Variants in GSAP observed in about 807,000 individuals in gnomAD.
GSAP encodes the protein gamma-secretase-activating protein.
A neutral mutation model predicts 131.7 loss-of-function variants in GSAP; 118 were observed. The ratio of observed to expected loss-of-function variants is 0.90; its 90% CI spans 0.77 to 1.04. The LOEUF (loss-of-function observed/expected upper bound fraction) is 1.04. Among genes scored for constraint, GSAP ranks in the 50% least tolerant of loss-of-function variants. The pLI, the probability that GSAP is intolerant of heterozygous loss-of-function variation, is 0.00. For missense variants in GSAP, 1,019 were observed against 1,013.2 expected (o/e 1.01, Z -0.08); for synonymous variants, 381 against 363.4 (o/e 1.05, Z -0.55).
intron 26 of GSAP, chr7:77,315,802 A>G (rs1794908843): frequency 6.6e-6 from 1 of 152,182 alleles, no homozygotes; most frequent in Admixed American, 6.5e-5. Flanking sequence ...AAAGATTAAG[A>G]GGTAAGGTTG....
chr7:77,383,817 T>C (rs898213636), intron 6 of GSAP, among the ~76,000 whole-genome samples: 2 of 152,260 alleles, frequency 1.3e-5, no homozygotes, highest in Non-Finnish European at 1.5e-5. Flanking sequence ...ACAACTTTTA[T>C]GTCCCAATCT....
intron 22 of GSAP, chr7:77,327,219 T>C (rs1014648536): frequency 1.8e-4 from 27 of 152,224 alleles, no homozygotes; most frequent in African/African-American, 6.3e-4. Context: ...TGCATTAAGA[T>C]AGACTGACTA....
chr7:77,415,840 C>T, intron 1 of GSAP: 1 of 208,662 alleles, frequency 4.8e-6, no homozygotes. Context: ...CCCTGCGCTG[C>T]CGATGAACCC....
At position 77,382,627 on chromosome 7, in the gene GSAP, A is replaced by G. The variant is rs79952887; in HGVS notation, c.473T>C (p.Ile158Thr). The G allele has an allele frequency of 1.5e-4, 234 of 1,551,224 alleles. No individual in the cohort carries two copies. In the African/African-American group the frequency reaches 2.9e-3, roughly 19 times the overall value. Residue 158 changes from isoleucine (I) to threonine (T), a missense_variant, in exon 7 of 31, where the codon ATT becomes ACT. Ile to Thr is a moderately conservative substitution (Grantham distance 89). Coordinates refer to ENST00000257626, the MANE Select transcript of GSAP (RefSeq NM_017439.4). The stretch of plus-strand genomic sequence containing the variant: ...GTTCTCTGGAAGAGGATGACTTTCA[A>G]TATGTGGGTAGAGAAACTGTAAAAA... ...YIWVQFLYPH[I>T]ESHPLPENHL...
intron 10 of GSAP, among the ~76,000 whole-genome samples, chr7:77,376,106 C>G (rs1475987664): frequency 1.3e-5 from 2 of 152,134 alleles, no homozygotes; most frequent in African/African-American, 4.8e-5. Flanking sequence ...TCAAATCCAC[C>G]ATCCTCACAA....
At chr7:77,416,394 G>A (rs2151257993), upstream of GSAP, 1 of 733,604 alleles carries the variant, frequency 1.4e-6, no homozygotes, top group Non-Finnish European at 2.1e-6. Flanking sequence ...TGGCCGCCTC[G>A]CCCTCGCGTC....
rs751442279 is a variant in GSAP at position 77,377,354 on chromosome 7, T to C, written c.613A>G (p.Ile205Val). The C allele has an allele frequency of 6.3e-7, 1 of 1,589,572 alleles. No individual in the cohort carries two copies. The highest frequency in any genetic ancestry group is 1.1e-5 in the South Asian group (1 of 87,300). The change falls in exon 9 of 31, where the codon ATA becomes GTA. Residue 205 changes from isoleucine to valine, a missense_variant. Ile to Val is a conservative substitution (Grantham distance 29). Coordinates refer to ENST00000257626, the MANE Select transcript of GSAP (RefSeq NM_017439.4). ...KNSGHLPRDRIAEDFVWAQWD... is the reference protein window; with the variant it reads ...KNSGHLPRDRVAEDFVWAQWD... ...TGAGCCCAAACGAAATCCTCAGCTA[T>C]TCTGTCTCTTGGGAGATGGCCAGAA...
In GSAP at chr7:77,374,230, C is replaced by T. The variant is rs1413800318; in HGVS notation, c.786-75G>A. 3 of 717,328 alleles carry T rather than the reference C, an allele frequency of 4.2e-6. No homozygotes were observed. The Admixed American group carries it at 7.7e-5, about 18-fold the overall frequency. 44.4% of individuals were successfully genotyped at this position (717,328 alleles called of 1,614,324 possible). ...CCTTCATAAAGGATGTGAGTAACCA[C>T]TAAATAATATACCCACAGAAGTAGA... On this transcript the variant is annotated intron_variant, in intron 11 of 30. Coordinates refer to ENST00000257626, the MANE Select transcript of GSAP (RefSeq NM_017439.4).
chr7:77,345,260 C>A (rs1312618884), intron 19 of GSAP, among the ~76,000 whole-genome samples: 1 of 152,150 alleles, frequency 6.6e-6, no homozygotes, highest in East Asian at 1.9e-4. Context: ...CAATATCACC[C>A]CTTACCACAA....
chr7:77,373,974 G>C, intron 12 of GSAP, 96 bp downstream of exon 12: 1 of 728,122 alleles, frequency 1.4e-6, no homozygotes, highest in Non-Finnish European at 2.5e-6. Flanking sequence ...ATGTAGCTCT[G>C]TTCTATTTTC....
chr7:77,333,640 T>C (rs1461695220), intron 19 of GSAP, among the ~76,000 whole-genome samples: 6 of 152,176 alleles, frequency 3.9e-5, no homozygotes, highest in Non-Finnish European at 8.8e-5. Context: ...GCTATATAAA[T>C]CACCAGCTGT....
intron 13 of GSAP, among the ~76,000 whole-genome samples, chr7:77,362,115 T>C (rs560294280): frequency 2.0e-5 from 3 of 152,346 alleles, no homozygotes; most frequent in South Asian, 4.1e-4. Flanking sequence ...ATACTCACCA[T>C]TGACAACTTT....
upstream of GSAP, chr7:77,416,549 G>A: frequency 2.6e-6 from 1 of 387,962 alleles, no homozygotes; most frequent in Non-Finnish European, 4.6e-6. Flanking sequence ...GGCGGGTAGC[G>A]GTGGGGCGGG....
At chr7:77,358,756 T>C (rs561940011) in intron 14 of GSAP, among the ~76,000 whole-genome samples, 3 of 152,366 alleles carry the variant, frequency 2.0e-5, no homozygotes, top group African/African-American at 4.8e-5. Context: ...GATGGGATCA[T>C]TTCACTTCAT....
chr7:77,414,844 C>CT (rs57095326), intron 1 of GSAP, among the ~76,000 whole-genome samples: 818 of 59,798 alleles, frequency 0.014, 125 homozygotes, highest in Non-Finnish European at 0.018. Context: ...ATGTGGGCGA[C>CT]TTTTTTTTTT....
At chr7:77,362,742 T>C in intron 12 of GSAP, 82 bp from the exon 13 acceptor site, 8 of 783,398 alleles carry the variant, frequency 1.0e-5, no homozygotes, top group Non-Finnish European at 1.8e-5. Context: ...AACTTACTTC[T>C]ATTCCTTTAG....
intron 26 of GSAP, chr7:77,315,832 C>T (rs1324282043): frequency 6.6e-6 from 1 of 152,212 alleles, no homozygotes; most frequent in African/African-American, 2.4e-5. Flanking sequence ...ATTTATTCAG[C>T]ACATCCCTTC....
chr7:77,399,703 TGG>T lies in GSAP; in HGVS notation c.244-2290_244-2289del, dbSNP rs60305186. Among the ~76,000 whole-genome samples the T allele has an allele frequency of 6.1e-3, 697 of 113,800 alleles. 5 individuals are homozygous for T. Among genetic ancestry groups the T allele is most frequent in the Non-Finnish European group, 0.011 (543 of 51,664 alleles). The allele number at this position is 113,800 out of a possible 152,430, so 74.7% of individuals were successfully genotyped here. A position where few individuals can be genotyped will look rare whatever the true frequency, so the allele number is the denominator to read the frequency against. ...GAGACCATTAACTCAAAACTTGAGG[TGG>T]GGGGGGGCGGGGCAAAGTGAAGTCA... On this transcript the variant is annotated intron_variant, in intron 3 of 30. Coordinates refer to ENST00000257626, the MANE Select transcript of GSAP (RefSeq NM_017439.4).
intron 20 of GSAP, 57 bp downstream of exon 20, chr7:77,330,180 ACC>A (rs1200790239): frequency 7.3e-5 from 111 of 1,528,672 alleles, no homozygotes; most frequent in Non-Finnish European, 8.5e-5. Context: ...TAAAGGCATC[ACC>A]TGGATCCAGT....
Sources: allele counts gnomAD v4.1 joint callset (sites outside exome capture counted in the v4.1 genomes callset), GRCh38; gene constraint gnomAD v4.1.1; transcripts MANE v1.5; gene names NCBI Gene and HGNC (gene_info 2026-07-23, HGNC 2026-07-21).